Variants in MDN1 observed in about 807,000 individuals in gnomAD.
The protein encoded by MDN1 is midasin.
In MDN1, 266 loss-of-function variants were observed where a neutral mutation model predicts 669.2. The observed-to-expected ratio is 0.40, with a 90% confidence interval of 0.36 to 0.44. The LOEUF is 0.44. Ranked by LOEUF, MDN1 falls within the 20% of genes least tolerant of loss-of-function variation. The probability of loss-of-function intolerance (pLI) is 1.00; values close to 1 mark genes in which losing one functional copy is unlikely to be tolerated. For missense variants in MDN1, 5,940 were observed against 6,754.0 expected, an observed-to-expected ratio of 0.88 and a Z score of 4.22; for synonymous variants, 2,385 against 2,457.1, an observed-to-expected ratio of 0.97 and a Z score of 0.87.
At position 89,672,621 on chromosome 6, in the gene MDN1, A is replaced by G. The variant is rs1238401222; in HGVS notation, c.13556T>C (p.Ile4519Thr). 1.2e-6 allele frequency: 2 copies of G among 1,614,064 alleles called. No individual in the cohort carries two copies. The highest frequency in any genetic ancestry group is 1.7e-6 in the Non-Finnish European group (2 of 1,180,014). The change falls in exon 81 of 102, where the codon ATC (isoleucine) becomes ACC (threonine). Residue 4519 changes from isoleucine to threonine, a missense_variant. By Grantham distance (89) the Ile-to-Thr change is moderately conservative. Transcript: ENST00000369393. ...EIAIRAILCA[I>T]QNLEERKNEK... ...ATTCTTTCTTTCTTCTAAGTTCTGGATGGCACAGAGGATGGCTCGGATGGC... is the reference window on the plus strand; with the variant it reads ...ATTCTTTCTTTCTTCTAAGTTCTGGGTGGCACAGAGGATGGCTCGGATGGC...
intron 87 of MDN1, among the ~76,000 whole-genome samples, 194 bp downstream of exon 87, chr6:89,661,893 G>T (rs571501360): frequency 2.0e-5 from 3 of 152,290 alleles, no homozygotes; most frequent in African/African-American, 7.2e-5. Context: ...ACAACATGTG[G>T]ACTACCCTGT....
At chr6:89,764,437 T>C (rs185440615) in intron 15 of MDN1, among the ~76,000 whole-genome samples, 36 of 152,230 alleles carry the variant, frequency 2.4e-4, no homozygotes, top group African/African-American at 8.4e-4. Context: ...AAACCCTGTC[T>C]CTACAAAAAA....
intron 1 of MDN1, 144 bp from the exon 2 acceptor site, chr6:89,803,698 G>A (rs1029209564): frequency 4.8e-5 from 31 of 639,918 alleles, no homozygotes; most frequent in Middle Eastern, 4.3e-4. Flanking sequence ...TCTCCTGCCC[G>A]AGCCGCCCAA....
intron 78 of MDN1, 138 bp downstream of exon 78, chr6:89,675,326 T>C (rs1478020026): frequency 7.2e-6 from 5 of 689,988 alleles, no homozygotes; most frequent in South Asian, 3.8e-5. Context: ...GGAGAAACCC[T>C]ACCTGCCTCT....
intron 99 of MDN1, 31 bp downstream of exon 99, chr6:89,648,001 G>A (rs372358823): frequency 1.1e-4 from 163 of 1,503,064 alleles, no homozygotes; most frequent in Non-Finnish European, 1.5e-4. Context: ...AAAAATAACT[G>A]TGCAGAAGAC....
chr6:89,654,837 G>A (rs1809138776), intron 92 of MDN1, among the ~76,000 whole-genome samples: 2 of 152,070 alleles, frequency 1.3e-5, no homozygotes, highest in Non-Finnish European at 2.9e-5. Flanking sequence ...ACCTCACACT[G>A]TACCCCACAA....
chr6:89,803,459 G>A lies in MDN1; in HGVS notation c.198C>T (p.Arg66=), dbSNP rs1486178163. The change falls in exon 2 of 102, where the codon CGC becomes CGT. Residue 66 remains arginine, a synonymous_variant. Coordinates refer to ENST00000369393, the MANE Select transcript of MDN1 (RefSeq NM_014611.3). ...DCTVLVGRQL[R]PLLLDLLERN... is the part of the protein sequence containing the mutation. ...TTTCCAGCAAATCCAAAAGGAGAGG[G>A]CGAAGCTGGCGACCAACCAGCACAG... 1.9e-6 allele frequency: 3 copies of A among 1,614,134 alleles called. No individual in the cohort carries two copies. The highest frequency in any genetic ancestry group is 2.7e-5 in the African/African-American group (2 of 75,036).
intron 78 of MDN1, among the ~76,000 whole-genome samples, chr6:89,674,854 A>C (rs534038070): frequency 6.6e-6 from 1 of 152,326 alleles, no homozygotes; most frequent in South Asian, 2.1e-4. Flanking sequence ...AATGTGCTGT[A>C]CTTTGCTAAA....
rs530109498 is a variant in MDN1 at position 89,724,730 on chromosome 6, A to G, written c.5670+469T>C. On this transcript the variant is annotated intron_variant, in intron 38 of 101. Coordinates refer to ENST00000369393, the MANE Select transcript of MDN1 (RefSeq NM_014611.3). ...CAAGTAAGCATACACATACACAGGT[A>G]CCCCTCTGCAAGTAAGAATAAAGGC... Among the ~76,000 whole-genome samples the G allele has an allele frequency of 1.2e-3, 182 of 152,356 alleles. 1 individual carries two copies. In the Middle Eastern group the frequency reaches 0.014, roughly 11 times the overall value.
rs1160628260 is a variant in MDN1, at chr6:89,695,697, G to C, written c.9679C>G (p.Leu3227Val). Residue 3227 changes from leucine (L) to valine (V), a missense_variant, in exon 61 of 102, where the codon CTC becomes GTC. Physicochemically the swap from Leu to Val is conservative, Grantham distance 32. This residue lies in a region of MDN1 where 2,292 missense variants were observed against 2,638.3 expected (regional missense o/e 0.87). Transcript: ENST00000369393. This position sits in a 1 kb window ranked among gnomAD's most constrained non-coding sequence, Gnocchi z 4.1. ...PAQRGSLWVS[L>V]GLLQIQTWLP... is the part of the protein sequence containing the mutation. The stretch of plus-strand genomic sequence containing the variant: ...CATGTCTGAATCTGGAGCAAGCCGA[G>C]GCTCACCCAGAGGCTCCCACGCTGG... 1 of 1,613,734 alleles carries C rather than the reference G, an allele frequency of 6.2e-7. No homozygotes were observed. Among genetic ancestry groups the C allele is most frequent in the Non-Finnish European group, 8.5e-7 (1 of 1,180,014 alleles).
rs532197578 is a variant in MDN1 at position 89,698,766 on chromosome 6, A to C, written c.9168+99T>G. On this transcript the variant is annotated intron_variant, in intron 59 of 101. Transcript: ENST00000369393. ...AGTAAAGTGTTGCAATCACCTGTTTAGTCACCACTCTATGCTAGGAATAAA... is the reference window on the plus strand; with the variant it reads ...AGTAAAGTGTTGCAATCACCTGTTTCGTCACCACTCTATGCTAGGAATAAA... The C allele has an allele frequency of 1.0e-5, 12 of 1,182,282 alleles. No individual in the cohort carries two copies. In the Admixed American group the frequency reaches 1.5e-4, roughly 15 times the overall value. The allele number at this position is 1,182,282 out of a possible 1,614,324, so 73.2% of individuals were successfully genotyped here. A position where few individuals can be genotyped will look rare whatever the true frequency, so the allele number is the denominator to read the frequency against.
At chr6:89,741,612 C>T (rs947704835) in intron 31 of MDN1, among the ~76,000 whole-genome samples, 1 of 152,044 alleles carries the variant, frequency 6.6e-6, no homozygotes, top group Admixed American at 6.6e-5. Flanking sequence ...ATTATAAAAC[C>T]TAAGATTAGT....
chr6:89,648,348 A>T lies in MDN1; in HGVS notation c.16207-19T>A. 1 of 1,610,080 alleles carries T rather than the reference A, an allele frequency of 6.2e-7. No individual in the cohort carries two copies. Among genetic ancestry groups the T allele is most frequent in the Non-Finnish European group, 8.5e-7 (1 of 1,176,314 alleles). On this transcript the variant is annotated intron_variant, in intron 97 of 101. Transcript: ENST00000369393. The stretch of plus-strand genomic sequence containing the variant: ...ATGCAAGCTGTGAATTAGAAAGTTA[A>T]TGATTTTAGGAATCAGAATATCCTC...
Position 89,695,945 on chromosome 6 carries a change from G to A in MDN1, c.9431C>T (p.Ala3144Val). ...CTCTGGGAGCAGCTCTGCTAGGCCT[G>A]CCAGGTGCCGGAACAGCACCTGCCC... ...LQGQVLFRHL[A>V]GLAELLPESR... The change falls in exon 61 of 102, where the codon GCA becomes GTA. Residue 3144 changes from alanine to valine, a missense_variant. This residue lies in a region of MDN1 where 2,292 missense variants were observed against 2,638.3 expected (regional missense o/e 0.87). Transcript: ENST00000369393. The surrounding 1 kb of genome is among the most constrained non-coding windows in gnomAD (Gnocchi z 4.1). 6.2e-7 allele frequency: 1 copy of A among 1,611,912 alleles called. No homozygotes were observed. Among genetic ancestry groups the A allele is most frequent in the Non-Finnish European group, 8.5e-7 (1 of 1,179,652 alleles).
At position 89,694,152 on chromosome 6, in the gene MDN1, C is replaced by A; in HGVS notation, c.9803G>T (p.Arg3268Leu). Residue 3268 changes from arginine (R) to leucine (L), a missense_variant, in exon 62 of 102, where the codon CGG becomes CTG. By Grantham distance (102) the Arg-to-Leu change is moderately radical. Coordinates refer to ENST00000369393, the MANE Select transcript of MDN1 (RefSeq NM_014611.3). Reference protein sequence around the residue: ...LHQLQCEWKTRNLSSQLQTGR... With the variant: ...LHQLQCEWKTLNLSSQLQTGR... ...AGTCTGCAGCTGGGATGACAGGTTC[C>A]GGGTCTTCCATTCACACTGCAGTTG... The A allele has an allele frequency of 6.2e-7, 1 of 1,614,104 alleles. No homozygotes were observed. The highest frequency in any genetic ancestry group is 1.6e-4 in the Middle Eastern group (1 of 6,062).
At chr6:89,769,177 A>G (rs1185488524) in intron 15 of MDN1, among the ~76,000 whole-genome samples, 2 of 152,154 alleles carry the variant, frequency 1.3e-5, no homozygotes, top group South Asian at 2.1e-4. Context: ...TGAGGATAGG[A>G]ATATTTATCT....
In MDN1 at chr6:89,658,338, C is replaced by T; in HGVS notation, c.15054G>A (p.Glu5018=). The part of the protein sequence containing the change: ...EEEEREDSDT[E]EQVPEALERK... ...TCTCCAAAGCCTCTGGCACCTGCTC[C>T]TCTGTATCAGAGTCCTCCCGTTCTT... The change falls in exon 90 of 102, where the codon GAG becomes GAA. Residue 5018 remains glutamate (E), a synonymous_variant. Coordinates refer to ENST00000369393, the MANE Select transcript of MDN1 (RefSeq NM_014611.3). The T allele has an allele frequency of 6.2e-7, 1 of 1,614,214 alleles. No individual in the cohort carries two copies. The highest frequency in any genetic ancestry group is 8.5e-7 in the Non-Finnish European group (1 of 1,180,048).
At position 89,642,547 on chromosome 6, in the gene MDN1, C is replaced by CCAA. The variant is rs1366937482; in HGVS notation, c.*1455_*1457dup. 5.9e-5 allele frequency: 9 copies of CCAA among 152,204 alleles called. No homozygotes were observed. Among genetic ancestry groups the CCAA allele is most frequent in the African/African-American group, 1.9e-4 (8 of 41,442 alleles). The allele number at this position is 152,204 out of a possible 1,614,324, so 9.4% of individuals were successfully genotyped here. ...TTATAAGCCTCCTTATAAGGCTACA[C>CCAA]CAACTCATCCTTTTCATTCTGCTGC... On this transcript the variant is annotated 3_prime_UTR_variant, in exon 102 of 102. Transcript: ENST00000369393.
chr6:89,697,984 T>C (rs1812883503), intron 59 of MDN1, among the ~76,000 whole-genome samples: 1 of 152,180 alleles, frequency 6.6e-6, no homozygotes, highest in Non-Finnish European at 1.5e-5. Flanking sequence ...TTCACACTTA[T>C]CAAAGAAGTG....
Sources: allele counts gnomAD v4.1 joint callset (sites outside exome capture counted in the v4.1 genomes callset), GRCh38; gene constraint gnomAD v4.1.1; regional missense constraint gnomAD v4.1.1; non-coding constraint Gnocchi (gnomAD v3.1); transcripts MANE v1.5; gene names NCBI Gene and HGNC (gene_info 2026-07-23, HGNC 2026-07-21).